Variants in SRRM2 observed in about 807,000 individuals in gnomAD.
SRRM2 encodes the protein serine/arginine repetitive matrix protein 2.
A neutral mutation model predicts 213.8 loss-of-function variants in SRRM2; 30 were observed. That is an observed-to-expected ratio of 0.14 (90% confidence interval 0.10 to 0.19). The LOEUF (loss-of-function observed/expected upper bound fraction) is 0.19. SRRM2 is among the 10% of genes least tolerant of loss of function. The pLI is 1.00. For missense variants in SRRM2, 4,904 were observed against 3,647.0 expected (o/e 1.34, Z -8.88); for synonymous variants, 2,025 against 1,377.7 (o/e 1.47, Z -10.40).
At chr16:2,760,657 T>A in intron 10 of SRRM2, 158 bp downstream of exon 10, 1 of 769,958 alleles carries the variant, frequency 1.3e-6, no homozygotes, top group Non-Finnish European at 2.1e-6. Context: ...TCTGCAGAAC[T>A]TTTAGTGTTG....
chr16:2,761,874 C>T lies in SRRM2; in HGVS notation c.1346C>T (p.Ser449Phe), dbSNP rs370656439. 1 of 1,608,356 alleles carries T rather than the reference C, an allele frequency of 6.2e-7. No individual in the cohort carries two copies. The highest frequency in any genetic ancestry group is 8.5e-7 in the Non-Finnish European group (1 of 1,178,584). ...ESPKPAPAPG[S>F]HREISSSPTS... ...CCTAAACCTGCTCCAGCTCCAGGGT[C>T]CCACCGAGAGATTTCTTCTTCTCCC... Residue 449 changes from serine to phenylalanine, a missense_variant, in exon 11 of 15, where the codon TCC becomes TTC. Ser to Phe is a radical substitution (Grantham distance 155, BLOSUM62 -2). Transcript: ENST00000301740.
intron 12 of SRRM2, chr16:2,769,785 G>C (rs892165345): frequency 2.1e-6 from 1 of 465,896 alleles, no homozygotes; most frequent in African/African-American, 2.0e-5. Flanking sequence ...GGAGTGGCGT[G>C]TGAGGCTCTT....
rs1364976682 is a variant in SRRM2 at position 2,769,156 on chromosome 16, T to C, written c.7893T>C (p.Ser2631=). ...CCTCCTCCTCTTCTTCCTCCTCCTC[T>C]TCCTCTTCTTCTTCTTCCTCCTCAT... The part of the protein sequence containing the change: ...SSSSSSSSSS[S]SSSSSSSSSS... Residue 2631 remains serine (S), a synonymous_variant, in exon 12 of 15, where the codon TCT becomes TCC. Transcript: ENST00000301740. 2.5e-6 allele frequency: 4 copies of C among 1,610,806 alleles called. No homozygotes were observed. The highest frequency in any genetic ancestry group is 3.4e-6 in the Non-Finnish European group (4 of 1,177,472).
Position 2,767,678 on chromosome 16 carries a change from A to T in SRRM2, c.7150A>T (p.Arg2384Trp). The change falls in exon 11 of 15, where the codon AGG becomes TGG. Residue 2384 changes from arginine (R) to tryptophan (W), a missense_variant. Coordinates refer to ENST00000301740, the MANE Select transcript of SRRM2 (RefSeq NM_016333.4). ...GTCTGGTGCAAACCTCACCAGCCCC[A>T]GGGTGCCCCTTTCTGCCTACGAGCG... Reference protein sequence around the residue: ...ALSGANLTSPRVPLSAYERVS... With the variant: ...ALSGANLTSPWVPLSAYERVS... The T allele has an allele frequency of 6.2e-7, 1 of 1,613,942 alleles. No homozygotes were observed. Among genetic ancestry groups the T allele is most frequent in the South Asian group, 1.1e-5 (1 of 91,058 alleles).
Position 2,765,667 on chromosome 16 carries a change from A to G in SRRM2, c.5139A>G (p.Ser1713=). ...LSRRSRSASS[S]PETRSRTPPR... ...GTAGAAGCCGCTCTGCCTCATCCTC[A>G]CCAGAAACTCGCTCTAGAACTCCCC... The change falls in exon 11 of 15, where the codon TCA becomes TCG. Residue 1713 remains serine, a synonymous_variant. Coordinates refer to ENST00000301740, the MANE Select transcript of SRRM2 (RefSeq NM_016333.4). The G allele has an allele frequency of 6.2e-7, 1 of 1,613,986 alleles. No individual in the cohort carries two copies. Among genetic ancestry groups the G allele is most frequent in the South Asian group, 1.1e-5 (1 of 91,066 alleles).
rs770927721 is a variant in SRRM2, at chr16:2,764,759, C to A, written c.4231C>A (p.Pro1411Thr). 6.2e-7 allele frequency: 1 copy of A among 1,614,128 alleles called. No homozygotes were observed. Among genetic ancestry groups the A allele is most frequent in the Admixed American group, 1.7e-5 (1 of 60,024 alleles). The change falls in exon 11 of 15, where the codon CCC becomes ACC. Residue 1411 changes from proline (P) to threonine (T), a missense_variant. Coordinates refer to ENST00000301740, the MANE Select transcript of SRRM2 (RefSeq NM_016333.4). ...SISSPVLDAVPRTPSRERSSS... is the reference protein window; with the variant it reads ...SISSPVLDAVTRTPSRERSSS... Reference sequence around the variant, plus strand: ...CTCTTCACCTGTGCTTGATGCTGTACCCAGAACACCCTCGAGAGAAAGAAG... The same window carrying A: ...CTCTTCACCTGTGCTTGATGCTGTAACCAGAACACCCTCGAGAGAAAGAAG...
Position 2,760,342 on chromosome 16 carries a change from C to T in SRRM2, c.875C>T (p.Ala292Val). ...AAAKTHTTALAGRSPSPASGR... is the reference protein window; with the variant it reads ...AAAKTHTTALVGRSPSPASGR... ...GCTAAAACTCATACAACTGCCTTGG[C>T]TGGGCGAAGTCCTTCCCCTGCTTCA... is the stretch of plus-strand genomic sequence containing the variant. The change falls in exon 10 of 15, where the codon GCT becomes GTT. Residue 292 changes from alanine (A) to valine (V), a missense_variant. Physicochemically the swap from Ala to Val is moderately conservative, Grantham distance 64 (BLOSUM62 0). Transcript: ENST00000301740. The T allele has an allele frequency of 1.2e-6, 2 of 1,614,016 alleles. No homozygotes were observed. The highest frequency in any genetic ancestry group is 1.7e-6 in the Non-Finnish European group (2 of 1,180,016).
Position 2,760,438 on chromosome 16 carries a change from C to T in SRRM2, c.971C>T (p.Pro324Leu), listed in dbSNP as rs183048804. ...ACCAGCACACAACGGCCTAGTAGCCCGGAGACTGCTACGAAACAGCCTAGC... is the reference window on the plus strand; with the variant it reads ...ACCAGCACACAACGGCCTAGTAGCCTGGAGACTGCTACGAAACAGCCTAGC... Reference protein sequence around the residue: ...GTTSTQRPSSPETATKQPSSP... With the variant: ...GTTSTQRPSSLETATKQPSSP... The change falls in exon 10 of 15, where the codon CCG becomes CTG. Residue 324 changes from proline to leucine, a missense_variant. Pro to Leu is a moderately conservative substitution (Grantham distance 98). Coordinates refer to ENST00000301740, the MANE Select transcript of SRRM2 (RefSeq NM_016333.4). 19 of 1,614,022 alleles carry T rather than the reference C, an allele frequency of 1.2e-5. No individual in the cohort carries two copies. Among genetic ancestry groups the T allele is most frequent in the Admixed American group, 5.0e-5 (3 of 60,022 alleles).
intron 11 of SRRM2, chr16:2,768,722 C>T (rs1385252061): frequency 1.4e-6 from 1 of 713,348 alleles, no homozygotes. Context: ...TCAGCTTCCA[C>T]ACCTGAGCCC....
Position 2,756,503 on chromosome 16 carries a change from GC to G in SRRM2, c.140del (p.Ala47ValfsTer4). Reference sequence around the variant, plus strand: ...AGAGGAGGAACTGCGGCGCCTGGAGGCTGCCCTGGTGAAGCGGCCTAATCCT... The same window carrying G: ...AGAGGAGGAACTGCGGCGCCTGGAGGTGCCCTGGTGAAGCGGCCTAATCCT... ...KGEEELRRLE[A>X]ALVKRPNPDI... On this transcript the variant is annotated frameshift_variant, in exon 2 of 15. Coordinates refer to ENST00000301740, the MANE Select transcript of SRRM2 (RefSeq NM_016333.4). LOFTEE classifies it high-confidence loss of function. 1 of 1,614,050 alleles carries G rather than the reference GC, an allele frequency of 6.2e-7. No individual in the cohort carries two copies. Among genetic ancestry groups the G allele is most frequent in the East Asian group, 2.2e-5 (1 of 44,874 alleles).
At position 2,757,897 on chromosome 16, in the gene SRRM2, G is replaced by A. The variant is rs1314114193; in HGVS notation, c.467G>A (p.Arg156His). 4.3e-6 allele frequency: 7 copies of A among 1,613,980 alleles called. No homozygotes were observed. The highest frequency in any genetic ancestry group is 3.3e-4 in the Middle Eastern group (2 of 6,084). ...GGCAGCTCTTTTGATCCTCAGCGTC[G>A]TGCCCGAGAAGCTAAACAACCAGCT... The part of the protein sequence containing the change: ...VDGSSFDPQR[R>H]AREAKQPAPE... The change falls in exon 4 of 15, where the codon CGT (arginine) becomes CAT (histidine). Residue 156 changes from arginine to histidine, a missense_variant. Physicochemically the swap from Arg to His is conservative, Grantham distance 29 (BLOSUM62 0). Transcript: ENST00000301740.
intron 1 of SRRM2, among the ~76,000 whole-genome samples, chr16:2,755,068 C>G (rs1310534015): frequency 6.6e-6 from 1 of 152,162 alleles, no homozygotes; most frequent in African/African-American, 2.4e-5. Flanking sequence ...TTACGTATTC[C>G]TTAGGGTTTT....
rs1265693212 is a variant in SRRM2, at chr16:2,771,010, CCCT to C, written c.*144_*146del. ...TTGGATGGAGGGCTCCCTTTCCCTCCCCTTTTTTTTTTCTTTGTTCCTGTGAAA... is the reference window on the plus strand; with the variant it reads ...TTGGATGGAGGGCTCCCTTTCCCTCCTTTTTTTTTCTTTGTTCCTGTGAAA... On this transcript the variant is annotated 3_prime_UTR_variant, in exon 15 of 15. Coordinates refer to ENST00000301740, the MANE Select transcript of SRRM2 (RefSeq NM_016333.4). 1 of 966,786 alleles carries C rather than the reference CCCT, an allele frequency of 1.0e-6. No individual in the cohort carries two copies. The highest frequency in any genetic ancestry group is 1.5e-6 in the Non-Finnish European group (1 of 657,672). The allele number at this position is 966,786 out of a possible 1,614,324, so 59.9% of individuals were successfully genotyped here.
chr16:2,767,303 T>G lies in SRRM2; in HGVS notation c.6775T>G (p.Ser2259Ala), dbSNP rs1251058966. 1 of 1,613,764 alleles carries G rather than the reference T, an allele frequency of 6.2e-7. No homozygotes were observed. Among genetic ancestry groups the G allele is most frequent in the Non-Finnish European group, 8.5e-7 (1 of 1,180,016 alleles). ...AIPTAVNLAD[S>A]RTPAAAAAMN... is the part of the protein sequence containing the mutation. ...TCCAACAGCAGTGAACCTGGCTGAC[T>G]CTCGAACGCCAGCTGCAGCAGCGGC... The change falls in exon 11 of 15, where the codon TCT (serine) becomes GCT (alanine). Residue 2259 changes from serine to alanine, a missense_variant. Transcript: ENST00000301740.
chr16:2,768,386 T>A, intron 11 of SRRM2, 125 bp downstream of exon 11: 1 of 1,076,410 alleles, frequency 9.3e-7, no homozygotes, highest in Non-Finnish European at 1.3e-6. Context: ...ACCTTGACCC[T>A]CAAGCTGGGG....
At position 2,763,956 on chromosome 16, in the gene SRRM2, C is replaced by G. The variant is rs148873006; in HGVS notation, c.3428C>G (p.Ser1143Cys). 1.9e-6 allele frequency: 3 copies of G among 1,614,096 alleles called. No individual in the cohort carries two copies. Among genetic ancestry groups the G allele is most frequent in the Non-Finnish European group, 2.5e-6 (3 of 1,180,042 alleles). ...CAGAGCAGGTTCCAGTCTGACTCTT[C>G]TTCATATCCTACAGTGGACTCGAAT... Reference protein sequence around the residue: ...PEQSRFQSDSSSYPTVDSNSL... With the variant: ...PEQSRFQSDSCSYPTVDSNSL... Residue 1143 changes from serine (S) to cysteine (C), a missense_variant, in exon 11 of 15, where the codon TCT becomes TGT. Ser to Cys is a moderately radical substitution (Grantham distance 112, BLOSUM62 -1). Transcript: ENST00000301740.
chr16:2,757,088 A>G (rs1412350384), intron 2 of SRRM2, among the ~76,000 whole-genome samples: 1 of 152,178 alleles, frequency 6.6e-6, no homozygotes, highest in African/African-American at 2.4e-5. Context: ...GAGCCCATTA[A>G]GGCAGAAAAC....
chr16:2,765,079 C>G lies in SRRM2; in HGVS notation c.4551C>G (p.Ser1517Arg). 6.2e-7 allele frequency: 1 copy of G among 1,614,098 alleles called. No individual in the cohort carries two copies. Among genetic ancestry groups the G allele is most frequent in the Non-Finnish European group, 8.5e-7 (1 of 1,180,030 alleles). The change falls in exon 11 of 15, where the codon AGC (serine) becomes AGG (arginine). Residue 1517 changes from serine to arginine, a missense_variant. Physicochemically the swap from Ser to Arg is moderately radical, Grantham distance 110. Transcript: ENST00000301740. ...GTCTTACCCCCCAGAGAGAAAGAAG[C>G]GGGTCAGAATCATCAGTTGATCAGA... ...NKCLTPQRER[S>R]GSESSVDQKT...
At chr16:2,760,026 C>T (rs553933610) in intron 9 of SRRM2, 349 of 546,032 alleles carry the variant, frequency 6.4e-4, no homozygotes, top group Non-Finnish European at 9.9e-4. Context: ...GTGAATGAAG[C>T]GGGTAGGGAG....
Sources: allele counts gnomAD v4.1 joint callset (sites outside exome capture counted in the v4.1 genomes callset), GRCh38; gene constraint gnomAD v4.1.1; transcripts MANE v1.5; gene names NCBI Gene and HGNC (gene_info 2026-07-23, HGNC 2026-07-21).